TCF7L2: variants seen among roughly 807,000 people sequenced by gnomAD.
The protein encoded by TCF7L2 is transcription factor 7-like 2.
A neutral mutation model predicts 77.9 loss-of-function variants in TCF7L2; 23 were observed. That is an observed-to-expected ratio of 0.30 (90% CI 0.21 to 0.42). TCF7L2 has a LOEUF of 0.42. Among genes scored for constraint, TCF7L2 ranks in the 10% least tolerant of loss-of-function variants. The pLI is 1.00. For synonymous variants in TCF7L2, 413 were observed against 340.2 expected (o/e 1.21, Z -2.36); for missense variants, 654 against 793.1 (o/e 0.82, Z 2.11).
chr10:113,048,127 G>A (rs1346070247), intron 5 of TCF7L2, among the ~76,000 whole-genome samples: 1 of 152,162 alleles, frequency 6.6e-6, no homozygotes, highest in African/African-American at 2.4e-5. Flanking sequence ...GCAAGATTGG[G>A]ACCTACTTTG....
At chr10:112,990,182 G>A (rs1479699085) in intron 4 of TCF7L2, among the ~76,000 whole-genome samples, 1 of 152,198 alleles carries the variant, frequency 6.6e-6, no homozygotes, top group African/African-American at 2.4e-5. Flanking sequence ...TGGGGACCAG[G>A]AGTGTTTTAT....
intron 4 of TCF7L2, among the ~76,000 whole-genome samples, chr10:113,031,134 G>A: frequency 6.6e-6 from 1 of 152,308 alleles, no homozygotes; most frequent in East Asian, 1.9e-4. Context: ...TCATAACTGT[G>A]TATAACTAAG....
At chr10:113,000,629 G>A (rs147826378) in intron 4 of TCF7L2, among the ~76,000 whole-genome samples, 1 of 152,310 alleles carries the variant, frequency 6.6e-6, no homozygotes, top group Non-Finnish European at 1.5e-5. Context: ...CGAAAGCAGT[G>A]ATGTTTGCTT....
chr10:113,038,067 T>C lies in TCF7L2; in HGVS notation c.451-1958T>C, dbSNP rs562318852. On this transcript the variant is annotated intron_variant, in intron 4 of 13. Coordinates refer to ENST00000627217, the MANE Select transcript of TCF7L2 (RefSeq NM_001146274.2). ...CTGGAAATATTTACTTTAGTGGTTC[T>C]CAACTTGAGATGATACTGCTCCCAG... Among the ~76,000 whole-genome samples the C allele has an allele frequency of 7.2e-5, 11 of 152,286 alleles. 1 individual carries two copies. Among genetic ancestry groups the C allele is most frequent in the Admixed American group, 7.2e-4 (11 of 15,292 alleles).
At chr10:112,983,628 T>C (rs2040923447) in intron 4 of TCF7L2, among the ~76,000 whole-genome samples, 1 of 152,140 alleles carries the variant, frequency 6.6e-6, no homozygotes, top group Non-Finnish European at 1.5e-5. Context: ...CTATTGTTTG[T>C]CTGAGTTTGT....
intron 3 of TCF7L2, among the ~76,000 whole-genome samples, chr10:112,958,533 T>C (rs2034262904): frequency 6.6e-6 from 1 of 151,920 alleles, no homozygotes; most frequent in African/African-American, 2.4e-5. Flanking sequence ...CATCCCAACA[T>C]GTGGTAAATT....
At chr10:113,158,788 T>C in intron 12 of TCF7L2, 71 bp downstream of exon 13, 1 of 1,475,958 alleles carries the variant, frequency 6.8e-7, no homozygotes, top group Non-Finnish European at 9.4e-7. Context: ...CATTATAGTT[T>C]TATTAACATT....
intron 4 of TCF7L2, among the ~76,000 whole-genome samples, chr10:112,987,172 A>G (rs2041702857): frequency 6.6e-6 from 1 of 152,216 alleles, no homozygotes; most frequent in African/African-American, 2.4e-5. Context: ...GTGCCAAGAG[A>G]AACATCAAGA....
chr10:113,037,050 A>T (rs888759245), intron 4 of TCF7L2, among the ~76,000 whole-genome samples: 10 of 151,990 alleles, frequency 6.6e-5, no homozygotes, highest in African/African-American at 2.2e-4. Flanking sequence ...AAGGAAAAAA[A>T]TTTTCCTCTA....
Position 113,142,658 on chromosome 10 carries a change from C to T in TCF7L2, c.686-1265C>T, listed in dbSNP as rs146919010. Among the ~76,000 whole-genome samples the T allele has an allele frequency of 1.4e-3, 209 of 152,320 alleles. 1 individual carries two copies. The highest frequency in any genetic ancestry group is 2.2e-3 in the Non-Finnish European group (152 of 68,026). On this transcript the variant is annotated intron_variant, in intron 6 of 13. Coordinates refer to ENST00000627217, the MANE Select transcript of TCF7L2 (RefSeq NM_001146274.2). ...CTGGGTTTTACTGGTCTCTGAGCCC[C>T]TTTGTGCTGGTGCAGGACTGAGCCT...
At chr10:113,130,523 GTCTTTAGTTGTCAA>G (rs2066416785) in intron 5 of TCF7L2, among the ~76,000 whole-genome samples, 1 of 152,096 alleles carries the variant, frequency 6.6e-6, no homozygotes, top group African/African-American at 2.4e-5. Context: ...CTGTTGCTCC[GTCTTTAGTTGTCAA>G]TCTCCAGATT....
At chr10:112,992,562 A>G (rs965605600) in intron 4 of TCF7L2, among the ~76,000 whole-genome samples, 1 of 152,024 alleles carries the variant, frequency 6.6e-6, no homozygotes, top group African/African-American at 2.4e-5. Context: ...GCAGGGTGCT[A>G]AGATTGCGTT....
intron 5 of TCF7L2, among the ~76,000 whole-genome samples, chr10:113,081,044 C>T (rs922592308): frequency 1.3e-5 from 2 of 152,156 alleles, no homozygotes; most frequent in Non-Finnish European, 2.9e-5. Flanking sequence ...GGGAGGAGGG[C>T]GCTGTTTACC....
intron 4 of TCF7L2, among the ~76,000 whole-genome samples, chr10:113,018,953 T>C (rs1418132374): frequency 2.0e-5 from 3 of 152,064 alleles, no homozygotes; most frequent in Non-Finnish European, 4.4e-5. Context: ...AAAGTTCTTG[T>C]GGGTGTGATG....
chr10:112,970,957 A>T (rs561340453), intron 4 of TCF7L2, among the ~76,000 whole-genome samples: 1 of 152,208 alleles, frequency 6.6e-6, no homozygotes, highest in Non-Finnish European at 1.5e-5. Flanking sequence ...AGATCATTTC[A>T]CTAGAGTAGT....
intron 5 of TCF7L2, among the ~76,000 whole-genome samples, chr10:113,117,933 C>T (rs2064097069): frequency 6.6e-6 from 1 of 152,110 alleles, no homozygotes; most frequent in Admixed American, 6.5e-5. Flanking sequence ...TGTGATACGG[C>T]ACACAAAGCG....
chr10:113,034,890 T>C (rs1156981545), intron 4 of TCF7L2, among the ~76,000 whole-genome samples: 1 of 152,100 alleles, frequency 6.6e-6, no homozygotes, highest in African/African-American at 2.4e-5. Flanking sequence ...AGTAAGACTG[T>C]ATCTCAAAAA....
At chr10:113,000,742 G>A (rs1174574877) in intron 4 of TCF7L2, among the ~76,000 whole-genome samples, 2 of 152,150 alleles carry the variant, frequency 1.3e-5, no homozygotes, top group Non-Finnish European at 2.9e-5. Flanking sequence ...GAAGGCTCTG[G>A]GTACATGAGT....
chr10:113,141,478 C>T (rs2068371131), intron 6 of TCF7L2, among the ~76,000 whole-genome samples, 162 bp downstream of exon 6: 1 of 152,088 alleles, frequency 6.6e-6, no homozygotes, highest in Non-Finnish European at 1.5e-5. Flanking sequence ...AAAGGAAGCT[C>T]TTTGGGGTGG....
Sources: gnomAD v4.1 joint callset for allele counts (sites outside exome capture counted in the v4.1 genomes callset) on GRCh38, gnomAD v4.1.1 for gene constraint, MANE v1.5 for transcripts, NCBI Gene and HGNC (gene_info 2026-07-23, HGNC 2026-07-21) for gene names.